The following ZMIZ1 variants were observed in gnomAD, a reference collection of about 807,000 sequenced individuals.
ZMIZ1 encodes the protein zinc finger MIZ-type containing 1, also known as zinc finger MIZ domain-containing protein 1.
Under a neutral mutation model 113.9 loss-of-function variants are expected in ZMIZ1, and 17 were observed. That is an observed-to-expected ratio of 0.15 (90% CI 0.10 to 0.22). The LOEUF (loss-of-function observed/expected upper bound fraction) is 0.22, where lower values mean the gene tolerates loss of function less well. Ranked by LOEUF, ZMIZ1 falls within the 10% of genes least tolerant of loss-of-function variation. The probability of loss-of-function intolerance (pLI) is 1.00; values close to 1 mark genes in which losing one functional copy is unlikely to be tolerated. For missense variants in ZMIZ1, 1,059 were observed against 1,477.8 expected (o/e 0.72, Z 4.65); for synonymous variants, 607 against 603.1 (o/e 1.01, Z -0.09).
At chr10:79,170,362 CA>C (rs1846548626) in intron 4 of ZMIZ1, among the ~76,000 whole-genome samples, 1 of 152,232 alleles carries the variant, frequency 6.6e-6, no homozygotes, top group African/African-American at 2.4e-5. Context: ...TCCCCTCTAC[CA>C]GGGGCAGATC....
At chr10:79,100,562 T>A (rs1340466904) in intron 1 of ZMIZ1, among the ~76,000 whole-genome samples, 1 of 152,122 alleles carries the variant, frequency 6.6e-6, no homozygotes, top group Non-Finnish European at 1.5e-5. Flanking sequence ...ATGGAGTTTA[T>A]CCTTGACTCA....
chr10:79,302,861 G>GTTTTT (rs34181232), intron 18 of ZMIZ1, among the ~76,000 whole-genome samples: 2 of 116,046 alleles, frequency 1.7e-5, no homozygotes, highest in African/African-American at 3.3e-5. Context: ...GCCCAGCTAA[G>GTTTTT]TTTTTTTTTT....
At chr10:79,241,563 A>C (rs1849832830) in intron 7 of ZMIZ1, among the ~76,000 whole-genome samples, 1 of 152,010 alleles carries the variant, frequency 6.6e-6, no homozygotes, top group Non-Finnish European at 1.5e-5. Context: ...TTCGTGTCCA[A>C]AAGGCTCAAG....
rs772029195 is a variant in ZMIZ1 at position 79,293,599 on chromosome 10, C to A, written c.1176C>A (p.Gly392=). Residue 392 remains glycine, a synonymous_variant, in exon 12 of 25, where the codon GGC becomes GGA. Transcript: ENST00000334512. ...GQRMPQQTYP[G]PRPQSLPIQN... The stretch of plus-strand genomic sequence containing the variant: ...GGATGCCCCAGCAGACCTACCCGGG[C>A]CCCCGGCCCCAGTCCCTTCCTATTC... The A allele has an allele frequency of 1.2e-6, 2 of 1,612,940 alleles. No homozygotes were observed. Among genetic ancestry groups the A allele is most frequent in the Admixed American group, 1.7e-5 (1 of 60,006 alleles).
chr10:79,161,571 C>A (rs1846116210), intron 3 of ZMIZ1, among the ~76,000 whole-genome samples: 1 of 152,170 alleles, frequency 6.6e-6, no homozygotes, highest in Non-Finnish European at 1.5e-5. Context: ...TCCAGAGAGG[C>A]CACCTGGGAC....
intron 2 of ZMIZ1, among the ~76,000 whole-genome samples, chr10:79,126,489 G>C (rs1261913846): frequency 6.6e-6 from 1 of 152,168 alleles, no homozygotes; most frequent in African/African-American, 2.4e-5. Flanking sequence ...AGAATGACCA[G>C]ACTGTGAACC....
At chr10:79,164,667 A>C (rs141045183) in intron 4 of ZMIZ1, among the ~76,000 whole-genome samples, 91 of 152,260 alleles carry the variant, frequency 6.0e-4, no homozygotes, top group African/African-American at 2.1e-3. Flanking sequence ...TTCCAATTCA[A>C]CTTTCCAAGA....
chr10:79,225,538 T>C (rs1012852189), intron 7 of ZMIZ1, among the ~76,000 whole-genome samples: 1 of 151,894 alleles, frequency 6.6e-6, no homozygotes, highest in Admixed American at 6.6e-5. Context: ...GAGACCAGCC[T>C]GGACATCATA....
chr10:79,147,153 G>A (rs1349192558), intron 3 of ZMIZ1, among the ~76,000 whole-genome samples: 1 of 152,136 alleles, frequency 6.6e-6, no homozygotes, highest in Non-Finnish European at 1.5e-5. Context: ...AGGGAGCCCC[G>A]AGCTGGGTCC....
At position 79,165,948 on chromosome 10, in the gene ZMIZ1, C is replaced by CTGTGTGTG. The variant is rs1174980856; in HGVS notation, c.-50+3862_-50+3869dup. Among the ~76,000 whole-genome samples, 518 of 59,756 alleles carry CTGTGTGTG rather than the reference C, an allele frequency of 8.7e-3. 5 individuals carry two copies. Among genetic ancestry groups the CTGTGTGTG allele is most frequent in the Middle Eastern group, 0.051 (6 of 118 alleles). 39.2% of individuals were successfully genotyped at this position (59,756 alleles called of 152,430 possible). A position where few individuals can be genotyped will look rare whatever the true frequency, so the allele number is the denominator to read the frequency against. ...CCTTGGCCTCCAAGCCCCAGCTCAG[C>CTGTGTGTG]TGTGTGTGTGTGTGTGTGTGTGTGT... On this transcript the variant is annotated intron_variant, in intron 4 of 24. Coordinates refer to ENST00000334512, the MANE Select transcript of ZMIZ1 (RefSeq NM_020338.4).
At chr10:79,250,852 AG>A (rs1411905719) in intron 7 of ZMIZ1, among the ~76,000 whole-genome samples, 1 of 152,062 alleles carries the variant, frequency 6.6e-6, no homozygotes, top group African/African-American at 2.4e-5. Flanking sequence ...GAAGGGTCCC[AG>A]GAGCCAACAC....
chr10:79,299,028 C>T lies in ZMIZ1; in HGVS notation c.1667-22C>T, dbSNP rs770070431. 6 of 1,591,982 alleles carry T rather than the reference C, an allele frequency of 3.8e-6. No homozygotes were observed. The East Asian group carries it at 6.7e-5, about 18-fold the overall frequency. On this transcript the variant is annotated intron_variant, in intron 15 of 24. Coordinates refer to ENST00000334512, the MANE Select transcript of ZMIZ1 (RefSeq NM_020338.4). ...ATGGCAGCTGAGGCTTGTGGCTCAC[C>T]CACCTCCTCTCCTCGCCCCAGCCAA...
intron 1 of ZMIZ1, among the ~76,000 whole-genome samples, chr10:79,114,677 C>G (rs1843943200): frequency 6.6e-6 from 1 of 152,178 alleles, no homozygotes; most frequent in African/African-American, 2.4e-5. Context: ...TCCACAAATG[C>G]TAAGCTTTTT....
intron 11 of ZMIZ1, among the ~76,000 whole-genome samples, 185 bp downstream of exon 11, chr10:79,292,541 T>G (rs185052044): frequency 6.6e-6 from 1 of 152,228 alleles, no homozygotes; most frequent in Admixed American, 6.5e-5. Context: ...GGCGCATGTC[T>G]AGAATGGGGC....
chr10:79,225,043 G>A (rs886973861), intron 7 of ZMIZ1, among the ~76,000 whole-genome samples: 1 of 152,134 alleles, frequency 6.6e-6, no homozygotes, highest in Non-Finnish European at 1.5e-5. Flanking sequence ...CACCATTATT[G>A]GGCAAGGTCA....
chr10:79,193,431 T>C (rs1847691970), intron 4 of ZMIZ1, among the ~76,000 whole-genome samples: 1 of 152,234 alleles, frequency 6.6e-6, no homozygotes, highest in Non-Finnish European at 1.5e-5. Context: ...AGTGTCTCTC[T>C]GAGTCCTAGG....
intron 3 of ZMIZ1, among the ~76,000 whole-genome samples, chr10:79,152,328 GTC>G (rs1845745069): frequency 6.6e-6 from 1 of 152,150 alleles, no homozygotes; most frequent in African/African-American, 2.4e-5. Flanking sequence ...GCAAAACCCT[GTC>G]TCTACAAAAA....
intron 2 of ZMIZ1, among the ~76,000 whole-genome samples, chr10:79,124,832 A>G (rs562339841): frequency 1.3e-5 from 2 of 152,340 alleles, no homozygotes; most frequent in African/African-American, 4.8e-5. Context: ...TCATTCAGCC[A>G]CAGCTGAGGC....
intron 3 of ZMIZ1, among the ~76,000 whole-genome samples, chr10:79,145,327 G>A (rs898058609): frequency 3.3e-5 from 5 of 152,160 alleles, no homozygotes; most frequent in Non-Finnish European, 7.3e-5. Flanking sequence ...AGCCTTTCCC[G>A]AAGCTGCATT....
Sources: allele counts gnomAD v4.1 joint callset (sites outside exome capture counted in the v4.1 genomes callset), GRCh38; gene constraint gnomAD v4.1.1; transcripts MANE v1.5; gene names NCBI Gene and HGNC (gene_info 2026-07-23, HGNC 2026-07-21).